The following AGTPBP1 variants were observed in gnomAD, a reference collection of about 807,000 sequenced individuals.
AGTPBP1 encodes the protein ATP/GTP binding carboxypeptidase 1.
AGTPBP1 carries 70 observed loss-of-function variants against 143.9 expected under a neutral mutation model. The observed-to-expected ratio is 0.49, with a 90% CI of 0.40 to 0.59. AGTPBP1 has a LOEUF of 0.59. Among genes scored for constraint, AGTPBP1 ranks in the 20% least tolerant of loss-of-function variants. AGTPBP1 has a pLI of 0.00. For synonymous variants in AGTPBP1, 463 were observed against 500.2 expected (o/e 0.93, Z 0.99); for missense variants, 1,229 against 1,464.5 (o/e 0.84, Z 2.62).
At chr9:85,617,478 G>A (rs1830661453) in intron 17 of AGTPBP1, among the ~76,000 whole-genome samples, 1 of 152,150 alleles carries the variant, frequency 6.6e-6, no homozygotes, top group Non-Finnish European at 1.5e-5. Flanking sequence ...GTTCATACAA[G>A]TATGTCATTT....
At chr9:85,718,748 C>A (rs1488326568) in intron 1 of AGTPBP1, among the ~76,000 whole-genome samples, 1 of 152,128 alleles carries the variant, frequency 6.6e-6, no homozygotes, top group East Asian at 1.9e-4. Flanking sequence ...TTTGCCCATG[C>A]CTATGTCCTC....
the AGTPBP1 span, among the ~76,000 whole-genome samples, chr9:85,769,505 G>A: frequency 7.1e-6 from 1 of 140,944 alleles, no homozygotes; most frequent in African/African-American, 2.7e-5. Context: ...GGGCAACATA[G>A]CGAGACCCTG....
chr9:85,757,169 T>C, the AGTPBP1 span, among the ~76,000 whole-genome samples: 80 of 152,218 alleles, frequency 5.3e-4, no homozygotes, highest in African/African-American at 1.1e-3. Context: ...TGGGTTCAAG[T>C]GATTCTCCCG....
intron 6 of AGTPBP1, 117 bp downstream of exon 6, chr9:85,677,319 T>C (rs1353151355): frequency 2.3e-6 from 2 of 884,262 alleles, no homozygotes; most frequent in Non-Finnish European, 3.4e-6. Context: ...AATTATTGTG[T>C]ATCCATAGAA....
At chr9:85,678,519 A>AT (rs1356818916) in intron 4 of AGTPBP1, 121 bp from the exon 5 acceptor site, 3 of 522,368 alleles carry the variant, frequency 5.7e-6, no homozygotes, top group Non-Finnish European at 9.9e-6. Context: ...GAACAAAGGT[A>AT]TTCAGGTTTT....
At chr9:85,804,317 A>G in the AGTPBP1 span, among the ~76,000 whole-genome samples, 6 of 152,050 alleles carry the variant, frequency 3.9e-5, no homozygotes, top group African/African-American at 1.4e-4. Context: ...ATATATTCTC[A>G]TGCTATCCCT....
At chr9:85,718,828 C>A (rs1837901124) in intron 1 of AGTPBP1, among the ~76,000 whole-genome samples, 1 of 152,144 alleles carries the variant, frequency 6.6e-6, no homozygotes, top group African/African-American at 2.4e-5. Context: ...TTTAAACCAT[C>A]GTGAGTTAAT....
chr9:85,720,875 A>G (rs780270815), intron 1 of AGTPBP1, among the ~76,000 whole-genome samples: 12 of 152,014 alleles, frequency 7.9e-5, no homozygotes, highest in Admixed American at 5.9e-4. Flanking sequence ...CTTTGTTCTC[A>G]TTGGTTTCAA....
At position 85,592,579 on chromosome 9, in the gene AGTPBP1, T is replaced by A; in HGVS notation, c.2549A>T (p.Tyr850Phe). The change falls in exon 19 of 26, where the codon TAT becomes TTT. Residue 850 changes from tyrosine to phenylalanine, a missense_variant. Physicochemically the swap from Tyr to Phe is conservative, Grantham distance 22. Coordinates refer to ENST00000357081, the MANE Select transcript of AGTPBP1 (RefSeq NM_001330701.2). ...TCTTACCTGTAAAGTTGAATACGTA[T>A]ATGGATAGTGATAAGCAAAGTAGCA... ...DVCYFAYHYP[Y>F]TYSTLQMHLQ... 1 of 1,608,712 alleles carries A rather than the reference T, an allele frequency of 6.2e-7. No individual in the cohort carries two copies. Among genetic ancestry groups the A allele is most frequent in the Non-Finnish European group, 8.5e-7 (1 of 1,177,656 alleles).
At chr9:85,550,350 C>T (rs922435388) in intron 25 of AGTPBP1, among the ~76,000 whole-genome samples, 1 of 152,250 alleles carries the variant, frequency 6.6e-6, no homozygotes, top group South Asian at 2.1e-4. Flanking sequence ...CACCATTTTC[C>T]AGTCCATTTT....
intron 2 of AGTPBP1, among the ~76,000 whole-genome samples, chr9:85,693,317 T>C (rs925422053): frequency 2.0e-5 from 3 of 152,034 alleles, no homozygotes; most frequent in Non-Finnish European, 2.9e-5. Flanking sequence ...TATTTGTACA[T>C]AGGCCGGGCA....
chr9:85,626,686 C>G (rs781104056), intron 14 of AGTPBP1, among the ~76,000 whole-genome samples: 2 of 110,866 alleles, frequency 1.8e-5, no homozygotes, highest in Non-Finnish European at 4.2e-5. Context: ...CAGCAAACTT[C>G]TCCTACAAAG....
At chr9:85,764,123 A>G in the AGTPBP1 span, among the ~76,000 whole-genome samples, 2,367 of 150,818 alleles carry the variant, frequency 0.016, 66 homozygotes, top group African/African-American at 0.053. Flanking sequence ...AGAAAATAAG[A>G]AAAAAGAAAA....
chr9:85,633,786 C>G (rs1831845056), intron 13 of AGTPBP1, among the ~76,000 whole-genome samples: 1 of 151,688 alleles, frequency 6.6e-6, no homozygotes, highest in African/African-American at 2.4e-5. Flanking sequence ...CCTTTTGTAG[C>G]TGACATTTGT....
intron 19 of AGTPBP1, among the ~76,000 whole-genome samples, chr9:85,590,678 T>A (rs1026405940): frequency 6.6e-6 from 1 of 152,106 alleles, no homozygotes; most frequent in African/African-American, 2.4e-5. Flanking sequence ...CCTAGCCAAG[T>A]CTGGGCAGTG....
At chr9:85,573,905 C>T (rs182911635) in intron 25 of AGTPBP1, among the ~76,000 whole-genome samples, 2,557 of 148,732 alleles carry the variant, frequency 0.017, 27 homozygotes, top group Middle Eastern at 0.055. Context: ...CCTCTCCGCC[C>T]GGCAGCTGCC....
At chr9:85,559,849 A>G (rs1826587224) in intron 25 of AGTPBP1, among the ~76,000 whole-genome samples, 1 of 152,212 alleles carries the variant, frequency 6.6e-6, no homozygotes, top group Non-Finnish European at 1.5e-5. Context: ...CCACCTTTTG[A>G]TTAAAGAAAT....
At chr9:85,656,056 T>C (rs1293745525) in intron 10 of AGTPBP1, among the ~76,000 whole-genome samples, 1 of 152,198 alleles carries the variant, frequency 6.6e-6, no homozygotes, top group African/African-American at 2.4e-5. Flanking sequence ...CTCGATCTTC[T>C]GACCTCGTGA....
the AGTPBP1 span, among the ~76,000 whole-genome samples, chr9:85,798,720 G>A: frequency 6.6e-6 from 1 of 151,942 alleles, no homozygotes; most frequent in African/African-American, 2.4e-5. Flanking sequence ...ATGTAAGGAG[G>A]TTTCTTCAAA....
Sources: allele counts gnomAD v4.1 joint callset (sites outside exome capture counted in the v4.1 genomes callset), GRCh38; gene constraint gnomAD v4.1.1; transcripts MANE v1.5; gene names NCBI Gene and HGNC (gene_info 2026-07-23, HGNC 2026-07-21).